RBFOX1: variants seen among roughly 807,000 people sequenced by gnomAD.
The protein encoded by RBFOX1 is RNA binding fox-1 homolog 1.
Under a neutral mutation model 57.7 loss-of-function variants are expected in RBFOX1, and 8 were observed. The observed-to-expected ratio is 0.14, with a 90% CI of 0.08 to 0.25. The LOEUF (loss-of-function observed/expected upper bound fraction) is 0.25. Among genes scored for constraint, RBFOX1 ranks in the 10% least tolerant of loss-of-function variants. The probability of loss-of-function intolerance (pLI) is 1.00; values close to 1 mark genes in which losing one functional copy is unlikely to be tolerated. For synonymous variants in RBFOX1, 326 were observed against 222.4 expected (o/e 1.47, Z -4.15); for missense variants, 611 against 548.5 (o/e 1.11, Z -1.14).
At chr16:6,992,468 C>A (rs1209341019) in intron 3 of RBFOX1, among the ~76,000 whole-genome samples, 14 of 152,086 alleles carry the variant, frequency 9.2e-5, no homozygotes, top group African/African-American at 3.4e-4. Context: ...TCTGCCTTGG[C>A]CTCCCAAAGT....
intron 4 of RBFOX1, among the ~76,000 whole-genome samples, chr16:7,280,570 G>A (rs1193094697): frequency 1.3e-5 from 2 of 152,204 alleles, no homozygotes; most frequent in African/African-American, 4.8e-5. Context: ...GTAGTCCAGG[G>A]ACAAGCTTGA....
intron 3 of RBFOX1, among the ~76,000 whole-genome samples, chr16:5,649,041 G>C (rs946292363): frequency 2.6e-5 from 4 of 151,702 alleles, no homozygotes; most frequent in Admixed American, 2.0e-4. Context: ...TCCAGCCTGA[G>C]AGACAGAATG....
At chr16:6,896,189 C>G (rs959000987) in intron 3 of RBFOX1, among the ~76,000 whole-genome samples, 3 of 152,124 alleles carry the variant, frequency 2.0e-5, no homozygotes, top group African/African-American at 4.8e-5. Context: ...AGGAGAATCA[C>G]TTGAACCTGG....
chr16:6,696,578 G>T (rs1039261304), intron 3 of RBFOX1, among the ~76,000 whole-genome samples: 3 of 152,086 alleles, frequency 2.0e-5, no homozygotes, highest in Non-Finnish European at 4.4e-5. Flanking sequence ...GGAAAACATT[G>T]AGCTTTCTCA....
In RBFOX1 at chr16:6,822,866, G is replaced by C. The variant is rs555161448; in HGVS notation, c.-16+168216G>C. Among the ~76,000 whole-genome samples the C allele has an allele frequency of 3.3e-5, 5 of 152,256 alleles. No homozygotes were observed. In the South Asian group the frequency reaches 1.0e-3, roughly 32 times the overall value. ...ATCTCTTTGTGCCTTAAAATGCCTG[G>C]AACAGTGATTCACATAAAGGGCATG... On this transcript the variant is annotated intron_variant, in intron 3 of 15. Transcript: ENST00000550418.
chr16:7,182,055 C>G (rs577499480), intron 4 of RBFOX1, among the ~76,000 whole-genome samples: 8 of 152,318 alleles, frequency 5.3e-5, no homozygotes, highest in African/African-American at 1.9e-4. Context: ...TAATAATCTT[C>G]ACTGATAAAC....
intron 1 of RBFOX1, among the ~76,000 whole-genome samples, chr16:6,125,957 A>G (rs1284688025): frequency 1.3e-5 from 2 of 152,124 alleles, no homozygotes; most frequent in Admixed American, 1.3e-4. Flanking sequence ...AGCTATAAGG[A>G]ATGGGGGGAT....
chr16:6,742,136 A>G (rs929039086), intron 3 of RBFOX1, among the ~76,000 whole-genome samples: 1 of 152,214 alleles, frequency 6.6e-6, no homozygotes, highest in East Asian at 1.9e-4. Flanking sequence ...TAAAATGTCA[A>G]AGAGTGAAAA....
intron 1 of RBFOX1, among the ~76,000 whole-genome samples, chr16:6,028,809 A>G (rs976350217): frequency 6.6e-5 from 10 of 152,216 alleles, no homozygotes; most frequent in Non-Finnish European, 1.0e-4. Context: ...GTGATAAGGC[A>G]CTGAATGGGG....
At chr16:6,600,287 T>TTC (rs1567830958) in intron 2 of RBFOX1, among the ~76,000 whole-genome samples, 1 of 152,158 alleles carries the variant, frequency 6.6e-6, no homozygotes, top group Non-Finnish European at 1.5e-5. Flanking sequence ...CCCTACCTGG[T>TTC]TCTCTCTCCT....
At chr16:7,241,455 C>G (rs1398061219) in intron 4 of RBFOX1, among the ~76,000 whole-genome samples, 1 of 152,078 alleles carries the variant, frequency 6.6e-6, no homozygotes, top group Non-Finnish European at 1.5e-5. Flanking sequence ...TAATTAAACC[C>G]TTTGGTTCAT....
chr16:5,574,680 C>G (rs1485876726), intron 2 of RBFOX1, among the ~76,000 whole-genome samples: 1 of 152,170 alleles, frequency 6.6e-6, no homozygotes, highest in Non-Finnish European at 1.5e-5. Flanking sequence ...ATCCGCCCAC[C>G]TCGGCCTCCC....
chr16:7,396,194 C>A (rs1166405778), intron 4 of RBFOX1, among the ~76,000 whole-genome samples: 1 of 152,102 alleles, frequency 6.6e-6, no homozygotes, highest in African/African-American at 2.4e-5. Context: ...CTGGAGTTAG[C>A]AACCCTCTGC....
Position 7,711,299 on chromosome 16 carries a change from G to A in RBFOX1, c.*554G>A, listed in dbSNP as rs1207171967. 1 of 152,380 alleles carries A rather than the reference G, an allele frequency of 6.6e-6. No individual in the cohort carries two copies. The allele number at this position is 152,380 out of a possible 1,614,324, so 9.4% of individuals were successfully genotyped here. ...AACAATCATTTATCAATGGTTCTAAGTTACTCATTGCCAGTTCAAGCCAAA... is the reference window on the plus strand; with the variant it reads ...AACAATCATTTATCAATGGTTCTAAATTACTCATTGCCAGTTCAAGCCAAA... On this transcript the variant is annotated 3_prime_UTR_variant, in exon 16 of 16. Transcript: ENST00000550418.
intron 3 of RBFOX1, among the ~76,000 whole-genome samples, chr16:5,614,540 C>T (rs1038726193): frequency 1.3e-5 from 2 of 152,234 alleles, no homozygotes; most frequent in South Asian, 4.1e-4. Flanking sequence ...TTTGTCACTC[C>T]CTGGGACTTT....
chr16:6,002,789 G>C (rs189266285), intron 4 of RBFOX1, among the ~76,000 whole-genome samples: 4 of 152,338 alleles, frequency 2.6e-5, no homozygotes, highest in Non-Finnish European at 4.4e-5. Context: ...GATTACAATA[G>C]TAAATTGATT....
rs940421659 is a variant in RBFOX1, at chr16:6,020,043, C to G, written c.-127+51C>G. 21 of 1,427,794 alleles carry G rather than the reference C, an allele frequency of 1.5e-5. No individual in the cohort carries two copies. The African/African-American group carries it at 2.3e-4, about 16-fold the overall frequency. 88.4% of individuals were successfully genotyped at this position (1,427,794 alleles called of 1,614,324 possible). On this transcript the variant is annotated intron_variant, in intron 1 of 15. Transcript: ENST00000550418. ...CTGCACCCACCCTGACCTGGTGGGT[C>G]AGGTCCAGAAGGTCTCATGGAGGGA... is the stretch of plus-strand genomic sequence containing the variant.
At chr16:5,995,515 G>A (rs9935575) in intron 4 of RBFOX1, among the ~76,000 whole-genome samples, 97,534 of 152,066 alleles carry the variant, frequency 0.64, 31,838 homozygotes, top group African/African-American at 0.74. Context: ...ATTATGCCAA[G>A]TGGAATAAGG....
intron 2 of RBFOX1, among the ~76,000 whole-genome samples, chr16:6,479,294 TGAGA>T (rs776867892): frequency 1.3e-5 from 2 of 152,062 alleles, no homozygotes; most frequent in Non-Finnish European, 2.9e-5. Context: ...TGGCGGCAGG[TGAGA>T]GAGAGCCAGA....
Sources: gnomAD v4.1 joint callset for allele counts (sites outside exome capture counted in the v4.1 genomes callset) on GRCh38, gnomAD v4.1.1 for gene constraint, MANE v1.5 for transcripts, NCBI Gene and HGNC (gene_info 2026-07-23, HGNC 2026-07-21) for gene names.